The following PDZRN4 variants were observed in gnomAD, a reference collection of about 807,000 sequenced individuals.
The protein encoded by PDZRN4 is PDZ domain containing ring finger 4, also known as PDZ domain-containing RING finger protein 4.
In PDZRN4, 70 loss-of-function variants were observed where a neutral mutation model predicts 99.0. That is an observed-to-expected ratio of 0.71 (90% CI 0.58 to 0.86). The LOEUF is 0.86. PDZRN4 is among the 40% of genes least tolerant of loss of function. The pLI, the probability that PDZRN4 is intolerant of heterozygous loss-of-function variation, is 0.00. For missense variants in PDZRN4, 1,474 were observed against 1,331.2 expected, an observed-to-expected ratio of 1.11 and a Z score of -1.67; for synonymous variants, 551 against 501.6, an observed-to-expected ratio of 1.10 and a Z score of -1.32.
chr12:41,520,670 T>C (rs1938479788), intron 5 of PDZRN4, among the ~76,000 whole-genome samples: 1 of 148,996 alleles, frequency 6.7e-6, no homozygotes, highest in Non-Finnish European at 1.5e-5. Flanking sequence ...ACACAGCCTC[T>C]AACTCAGCCG....
At chr12:41,460,659 A>T (rs1200619687) in intron 3 of PDZRN4, among the ~76,000 whole-genome samples, 1 of 152,216 alleles carries the variant, frequency 6.6e-6, no homozygotes, top group Non-Finnish European at 1.5e-5. Flanking sequence ...TGTTACTAAT[A>T]AATGTATAAA....
intron 3 of PDZRN4, among the ~76,000 whole-genome samples, chr12:41,377,491 T>C (rs943628234): frequency 6.6e-6 from 1 of 152,076 alleles, no homozygotes; most frequent in African/African-American, 2.4e-5. Flanking sequence ...GGTGAAACCC[T>C]ATCTCTATTA....
At chr12:41,201,819 G>T (rs1199965813) in intron 3 of PDZRN4, among the ~76,000 whole-genome samples, 1 of 152,108 alleles carries the variant, frequency 6.6e-6, no homozygotes, top group Non-Finnish European at 1.5e-5. Flanking sequence ...CAAAGCAATT[G>T]TATCTTTCTA....
intron 3 of PDZRN4, among the ~76,000 whole-genome samples, chr12:41,415,520 G>C (rs1952437388): frequency 6.6e-6 from 1 of 151,900 alleles, no homozygotes; most frequent in Non-Finnish European, 1.5e-5. Flanking sequence ...CCTATGAATA[G>C]GAAAATATTG....
At chr12:41,387,825 G>A (rs765495858) in intron 3 of PDZRN4, among the ~76,000 whole-genome samples, 17 of 152,208 alleles carry the variant, frequency 1.1e-4, no homozygotes, top group Non-Finnish European at 1.9e-4. Context: ...ATACACTGAC[G>A]GTGTTGGAGT....
intron 3 of PDZRN4, among the ~76,000 whole-genome samples, chr12:41,223,883 G>C (rs1442911955): frequency 6.6e-6 from 1 of 152,212 alleles, no homozygotes; most frequent in Non-Finnish European, 1.5e-5. Context: ...TCCAGGGCAG[G>C]GTTAGAGGGA....
intron 5 of PDZRN4, among the ~76,000 whole-genome samples, chr12:41,546,238 A>T (rs369106374): frequency 3.3e-5 from 5 of 152,134 alleles, no homozygotes; most frequent in South Asian, 2.1e-4. Context: ...ACCACAATTG[A>T]CCTTCTTCTG....
At chr12:41,498,211 A>G (rs1338773654) in intron 3 of PDZRN4, among the ~76,000 whole-genome samples, 1 of 152,040 alleles carries the variant, frequency 6.6e-6, no homozygotes, top group East Asian at 1.9e-4. Context: ...ATGCCTCCTG[A>G]TAAGATAGGC....
At chr12:41,242,265 GTCTGTTTTCCAAAACAGTTGATTGA>G (rs1951106175) in intron 3 of PDZRN4, among the ~76,000 whole-genome samples, 1 of 152,120 alleles carries the variant, frequency 6.6e-6, no homozygotes, top group Non-Finnish European at 1.5e-5. Context: ...CTACTTTCTA[GTCTGTTTTCCAAAACAGTTGATTGA>G]TATGCTAAAA....
chr12:41,494,265 G>A (rs1278546046), intron 3 of PDZRN4, among the ~76,000 whole-genome samples: 1 of 152,032 alleles, frequency 6.6e-6, no homozygotes, highest in Non-Finnish European at 1.5e-5. Context: ...TTTTATTGAT[G>A]TTTAAAAATA....
chr12:41,275,035 A>T (rs1225249309), intron 3 of PDZRN4, among the ~76,000 whole-genome samples: 1 of 152,126 alleles, frequency 6.6e-6, no homozygotes, highest in Non-Finnish European at 1.5e-5. Context: ...TGTAGTCCAG[A>T]TGCTACAGGG....
In PDZRN4 at chr12:41,460,032, A is replaced by G. The variant is rs939761463; in HGVS notation, c.844-46424A>G. 11 of 1,288,332 alleles carry G rather than the reference A, an allele frequency of 8.5e-6. No homozygotes were observed. The African/African-American group carries it at 1.5e-4, about 18-fold the overall frequency. 79.8% of individuals were successfully genotyped at this position (1,288,332 alleles called of 1,614,324 possible). A position where few individuals can be genotyped will look rare whatever the true frequency, so the allele number is the denominator to read the frequency against. ...CAACCTGATGGAGAGTATGTGTGGGATCTTAGTTCTGCTTCATTAAGCTCC... is the reference window on the plus strand; with the variant it reads ...CAACCTGATGGAGAGTATGTGTGGGGTCTTAGTTCTGCTTCATTAAGCTCC... On this transcript the variant is annotated intron_variant, in intron 3 of 9. Transcript: ENST00000402685.
intron 3 of PDZRN4, among the ~76,000 whole-genome samples, chr12:41,205,855 T>C (rs1231980530): frequency 6.6e-6 from 1 of 151,896 alleles, no homozygotes; most frequent in Non-Finnish European, 1.5e-5. Flanking sequence ...CATAGCAGGC[T>C]CCCCAAAACC....
At chr12:41,382,144 C>T (rs1952132317) in intron 3 of PDZRN4, among the ~76,000 whole-genome samples, 1 of 152,180 alleles carries the variant, frequency 6.6e-6, no homozygotes, top group South Asian at 2.1e-4. Flanking sequence ...AGCAATTGGA[C>T]TGAGCTTCAG....
intron 3 of PDZRN4, among the ~76,000 whole-genome samples, chr12:41,400,611 G>A (rs1303445119): frequency 6.6e-6 from 1 of 152,138 alleles, no homozygotes; most frequent in East Asian, 1.9e-4. Context: ...TTCAGCTAGA[G>A]GGAGAAATAT....
At chr12:41,384,089 G>C (rs1192895965) in intron 3 of PDZRN4, among the ~76,000 whole-genome samples, 5 of 137,710 alleles carry the variant, frequency 3.6e-5, no homozygotes, top group African/African-American at 1.3e-4. Context: ...TGCAACCTTC[G>C]CCTCCCGGGT....
chr12:41,572,760 G>A lies in PDZRN4; in HGVS notation c.1981G>A (p.Gly661Arg), dbSNP rs779969640. The part of the protein sequence containing the change: ...TIECNQGEQE[G>R]VEHELQLLNE... Reference sequence around the variant, plus strand: ...TGAATGCAATCAAGGGGAGCAAGAGGGAGTGGAGCATGAGCTACAGTTGCT... The same window carrying A: ...TGAATGCAATCAAGGGGAGCAAGAGAGAGTGGAGCATGAGCTACAGTTGCT... Residue 661 changes from glycine (G) to arginine (R), a missense_variant, in exon 10 of 10, where the codon GGA (glycine) becomes AGA (arginine). Physicochemically the swap from Gly to Arg is moderately radical, Grantham distance 125. Coordinates refer to ENST00000402685, the MANE Select transcript of PDZRN4 (RefSeq NM_001164595.2). The A allele has an allele frequency of 7.3e-5, 118 of 1,614,106 alleles. No individual in the cohort carries two copies. In the East Asian group the frequency reaches 1.7e-3, roughly 23 times the overall value.
intron 3 of PDZRN4, among the ~76,000 whole-genome samples, chr12:41,263,613 G>A (rs892662386): frequency 1.3e-5 from 2 of 152,048 alleles, no homozygotes; most frequent in African/African-American, 4.8e-5. Context: ...TTTGAACCTG[G>A]GAGGCGGAGG....
At chr12:41,563,858 A>G (rs945053769) in intron 8 of PDZRN4, among the ~76,000 whole-genome samples, 7 of 152,228 alleles carry the variant, frequency 4.6e-5, no homozygotes, top group African/African-American at 1.7e-4. Context: ...ACAAAATACA[A>G]TAAAGACTGA....
Sources: gnomAD v4.1 joint callset for allele counts (sites outside exome capture counted in the v4.1 genomes callset) on GRCh38, gnomAD v4.1.1 for gene constraint, MANE v1.5 for transcripts, NCBI Gene and HGNC (gene_info 2026-07-23, HGNC 2026-07-21) for gene names.